PAPPA2: variants seen among roughly 807,000 people sequenced by gnomAD.
PAPPA2 encodes the protein pappalysin 2.
Under a neutral mutation model 176.4 loss-of-function variants are expected in PAPPA2, and 86 were observed. The ratio of observed to expected loss-of-function variants is 0.49; its 90% CI spans 0.41 to 0.58. The LOEUF (loss-of-function observed/expected upper bound fraction) is 0.58. Ranked by LOEUF, PAPPA2 falls within the 20% of genes least tolerant of loss-of-function variation. The probability of loss-of-function intolerance (pLI) is 0.00; values close to 1 mark genes in which losing one functional copy is unlikely to be tolerated. For synonymous variants in PAPPA2, 809 were observed against 852.2 expected, an observed-to-expected ratio of 0.95 and a Z score of 0.88; for missense variants, 2,073 against 2,256.9, an observed-to-expected ratio of 0.92 and a Z score of 1.65.
chr1:176,628,998 T>C (rs1313064836), intron 3 of PAPPA2, among the ~76,000 whole-genome samples: 1 of 152,228 alleles, frequency 6.6e-6, no homozygotes, highest in Non-Finnish European at 1.5e-5. Flanking sequence ...CAATCAAGAA[T>C]TGATGTAAAC....
rs372406410 is a variant in PAPPA2, at chr1:176,594,677, G to C, written c.1073G>C (p.Arg358Pro). The C allele has an allele frequency of 6.2e-7, 1 of 1,614,216 alleles. No individual in the cohort carries two copies. Among genetic ancestry groups the C allele is most frequent in the East Asian group, 2.2e-5 (1 of 44,864 alleles). The change falls in exon 3 of 23, where the codon CGC (arginine) becomes CCC (proline). Residue 358 changes from arginine (R) to proline (P), a missense_variant. By Grantham distance (103) the Arg-to-Pro change is moderately radical. Coordinates refer to ENST00000367662, the MANE Select transcript of PAPPA2 (RefSeq NM_020318.3). ...KKATILISHS[R>P]YQPGTWTHVA... ...GCCACCATCTTGATTAGCCACAGTC[G>C]CTACCAACCAGGCACATGGACCCAT...
chr1:176,824,751 G>T (rs540941284), intron 21 of PAPPA2, among the ~76,000 whole-genome samples: 1 of 152,140 alleles, frequency 6.6e-6, no homozygotes, highest in Admixed American at 6.5e-5. Flanking sequence ...CCCATCAGTG[G>T]AATATGGATA....
intron 7 of PAPPA2, among the ~76,000 whole-genome samples, chr1:176,697,492 A>G (rs1660440388): frequency 6.6e-6 from 1 of 152,236 alleles, no homozygotes; most frequent in Non-Finnish European, 1.5e-5. Context: ...TATTTAAAAT[A>G]TACACTATAA....
intron 17 of PAPPA2, among the ~76,000 whole-genome samples, chr1:176,783,438 C>A (rs771868152): frequency 5.3e-5 from 8 of 152,276 alleles, no homozygotes; most frequent in Non-Finnish European, 1.0e-4. Flanking sequence ...CAAGCAACAT[C>A]AATCAAACTT....
intron 21 of PAPPA2, among the ~76,000 whole-genome samples, chr1:176,828,940 T>G (rs1666967676): frequency 6.6e-6 from 1 of 151,638 alleles, no homozygotes; most frequent in Non-Finnish European, 1.5e-5. Context: ...GAGATGGAGG[T>G]TGCAGTGAGC....
chr1:176,789,857 C>T lies in PAPPA2; in HGVS notation c.4764C>T (p.Gly1588=). 1 of 1,614,084 alleles carries T rather than the reference C, an allele frequency of 6.2e-7. No homozygotes were observed. The highest frequency in any genetic ancestry group is 8.5e-7 in the Non-Finnish European group (1 of 1,179,994). The change falls in exon 18 of 23, where the codon GGC becomes GGT. Residue 1588 remains glycine, a synonymous_variant. Transcript: ENST00000367662. ...QCLEGGIWEQ[G]SCIPVVCEPP... ...TGGAAGGTGGAATCTGGGAGCAAGG[C>T]AGCTGCATTCCTGTGGTGTGTGAGC...
chr1:176,523,761 C>G (rs1649330123), intron 1 of PAPPA2, among the ~76,000 whole-genome samples: 1 of 152,152 alleles, frequency 6.6e-6, no homozygotes, highest in Non-Finnish European at 1.5e-5. Context: ...AACAATTATA[C>G]CTACCCCATT....
chr1:176,787,831 C>T (rs550445798), intron 17 of PAPPA2, among the ~76,000 whole-genome samples: 4 of 152,044 alleles, frequency 2.6e-5, no homozygotes, highest in East Asian at 2.0e-4. Context: ...GAGGCTGAGG[C>T]GGGTGGATCA....
At chr1:176,473,655 A>T (rs986243395) in intron 1 of PAPPA2, among the ~76,000 whole-genome samples, 3 of 152,218 alleles carry the variant, frequency 2.0e-5, no homozygotes, top group Non-Finnish European at 4.4e-5. Context: ...ACCATCAGTG[A>T]GTGAGTGCCT....
At chr1:176,830,305 T>C (rs1667036581) in intron 21 of PAPPA2, among the ~76,000 whole-genome samples, 1 of 152,230 alleles carries the variant, frequency 6.6e-6, no homozygotes, top group Admixed American at 6.5e-5. Flanking sequence ...AAGAACTGTT[T>C]TGAATTTTTA....
chr1:176,765,306 G>A (rs541121708), intron 14 of PAPPA2, among the ~76,000 whole-genome samples: 1 of 152,148 alleles, frequency 6.6e-6, no homozygotes, highest in South Asian at 2.1e-4. Flanking sequence ...TGTTCTAATT[G>A]CTTGGGACCC....
intron 21 of PAPPA2, among the ~76,000 whole-genome samples, chr1:176,838,175 C>T (rs560631699): frequency 2.6e-5 from 4 of 152,260 alleles, no homozygotes; most frequent in African/African-American, 9.6e-5. Flanking sequence ...CTCTTTTCAA[C>T]ATATGTTCTC....
At chr1:176,651,702 G>C (rs1657735838) in intron 3 of PAPPA2, among the ~76,000 whole-genome samples, 1 of 151,278 alleles carries the variant, frequency 6.6e-6, no homozygotes, top group Non-Finnish European at 1.5e-5. Context: ...AAAGTTTTCT[G>C]TCATTATTTT....
intron 15 of PAPPA2, among the ~76,000 whole-genome samples, chr1:176,767,773 C>T (rs1481978056): frequency 6.6e-6 from 1 of 152,216 alleles, no homozygotes; most frequent in Non-Finnish European, 1.5e-5. Flanking sequence ...CCACATGGCA[C>T]AGTCAGCAAC....
chr1:176,615,002 G>C lies in PAPPA2; in HGVS notation c.1991+19407G>C, dbSNP rs997718086. On this transcript the variant is annotated intron_variant, in intron 3 of 22. Transcript: ENST00000367662. ...AAATCACACTTTCAAACAAAAATAA[G>C]TCGGTAAACAACTTCTGATAAGTAT... Among the ~76,000 whole-genome samples, 38 of 152,186 alleles carry C rather than the reference G, an allele frequency of 2.5e-4. 1 individual carries two copies. The highest frequency in any genetic ancestry group is 8.3e-4 in the South Asian group (4 of 4,824).
At chr1:176,663,350 C>T (rs181761914) in intron 3 of PAPPA2, among the ~76,000 whole-genome samples, 140 of 152,248 alleles carry the variant, frequency 9.2e-4, no homozygotes, top group Non-Finnish European at 1.8e-3. Context: ...TATACCTGCT[C>T]CTTAGACATA....
At chr1:176,826,123 C>T (rs1005796992) in intron 21 of PAPPA2, among the ~76,000 whole-genome samples, 2 of 152,092 alleles carry the variant, frequency 1.3e-5, no homozygotes, top group African/African-American at 2.4e-5. Flanking sequence ...TAATGAACCT[C>T]GGTAGTGTGA....
chr1:176,652,278 T>A (rs1288099884), intron 3 of PAPPA2, among the ~76,000 whole-genome samples: 1 of 151,770 alleles, frequency 6.6e-6, no homozygotes, highest in East Asian at 1.9e-4. Flanking sequence ...CAATCTTCTC[T>A]TTTTGGCTTG....
At chr1:176,650,893 A>T (rs1657682388) in intron 3 of PAPPA2, among the ~76,000 whole-genome samples, 1 of 151,660 alleles carries the variant, frequency 6.6e-6, no homozygotes, top group South Asian at 2.1e-4. Flanking sequence ...TTGTGGCCAC[A>T]TGAGGCTTCA....
Sources: allele counts gnomAD v4.1 joint callset (sites outside exome capture counted in the v4.1 genomes callset), GRCh38; gene constraint gnomAD v4.1.1; transcripts MANE v1.5; gene names NCBI Gene and HGNC (gene_info 2026-07-23, HGNC 2026-07-21).